The following CPNE8 variants were observed in gnomAD, a reference collection of about 807,000 sequenced individuals.
The protein encoded by CPNE8 is copine 8, also known as copine-8.
CPNE8 carries 45 observed loss-of-function variants against 81.5 expected under a neutral mutation model. The observed-to-expected ratio is 0.55, with a 90% CI of 0.44 to 0.71. The LOEUF (loss-of-function observed/expected upper bound fraction) is 0.71. CPNE8 is among the 30% of genes least tolerant of loss of function. The pLI is 0.00. For missense variants in CPNE8, 594 were observed against 672.1 expected (o/e 0.88, Z 1.28); for synonymous variants, 252 against 226.3 (o/e 1.11, Z -1.02).
chr12:38,750,987 G>A (rs1941343536), intron 10 of CPNE8, among the ~76,000 whole-genome samples: 2 of 152,174 alleles, frequency 1.3e-5, no homozygotes, highest in Admixed American at 1.3e-4. Flanking sequence ...CTGGGGACAG[G>A]TCTTTCCCAT....
intron 15 of CPNE8, among the ~76,000 whole-genome samples, chr12:38,688,598 GGT>G (rs56769844): frequency 9.2e-4 from 136 of 148,536 alleles, no homozygotes; most frequent in South Asian, 3.4e-3. Flanking sequence ...AAGAAAATGT[GGT>G]GTGTGTGTGT....
chr12:38,749,735 C>T, intron 10 of CPNE8, among the ~76,000 whole-genome samples: 1 of 152,088 alleles, frequency 6.6e-6, no homozygotes, highest in Non-Finnish European at 1.5e-5. Context: ...TTCTAAGCAG[C>T]AAAGCATTCA....
At chr12:38,888,480 A>G (rs527657179) in intron 1 of CPNE8, among the ~76,000 whole-genome samples, 6 of 152,354 alleles carry the variant, frequency 3.9e-5, no homozygotes, top group African/African-American at 1.2e-4. Flanking sequence ...CCATTGGACA[A>G]TTCAGAAGTA....
intron 1 of CPNE8, among the ~76,000 whole-genome samples, chr12:38,891,189 G>T (rs755043555): frequency 1.3e-5 from 2 of 151,582 alleles, no homozygotes; most frequent in African/African-American, 4.8e-5. Flanking sequence ...CCTCAGCCTC[G>T]CAAAGTGCTG....
intron 7 of CPNE8, among the ~76,000 whole-genome samples, chr12:38,774,582 G>A (rs1173328988): frequency 6.7e-6 from 1 of 148,792 alleles, no homozygotes; most frequent in Non-Finnish European, 1.5e-5. Flanking sequence ...CAAACTTAAT[G>A]TTATGGTAGT....
At chr12:38,812,749 G>A (rs1942959602) in intron 6 of CPNE8, among the ~76,000 whole-genome samples, 1 of 152,168 alleles carries the variant, frequency 6.6e-6, no homozygotes, top group Non-Finnish European at 1.5e-5. Context: ...TATGGAAGTG[G>A]CTTCTCACTC....
chr12:38,727,764 G>A (rs190158995), intron 11 of CPNE8, among the ~76,000 whole-genome samples: 97 of 152,230 alleles, frequency 6.4e-4, no homozygotes, highest in Middle Eastern at 3.4e-3. Context: ...GATGCTTATC[G>A]GGGGCTTTTA....
intron 10 of CPNE8, 132 bp downstream of exon 10, chr12:38,760,715 G>A: frequency 2.8e-6 from 2 of 702,798 alleles, no homozygotes; most frequent in African/African-American, 1.9e-5. Context: ...TCATGTAAAT[G>A]CATCAGTAAC....
chr12:38,679,118 G>A lies in CPNE8; in HGVS notation c.1272-1564C>T, dbSNP rs1292648888. ...GGGTTTTATATTTCATGAGAATAAT[G>A]AAAGACTCTAAATAGTAGTGAAAAC... On this transcript the variant is annotated intron_variant, in intron 16 of 19. Coordinates refer to ENST00000331366, the MANE Select transcript of CPNE8 (RefSeq NM_153634.3). Among the ~76,000 whole-genome samples, 4 of 151,754 alleles carry A rather than the reference G, an allele frequency of 2.6e-5. No homozygotes were observed. In the East Asian group the frequency reaches 7.7e-4, roughly 29 times the overall value.
intron 6 of CPNE8, among the ~76,000 whole-genome samples, chr12:38,787,711 A>T (rs1013135793): frequency 1.3e-5 from 2 of 151,646 alleles, no homozygotes; most frequent in African/African-American, 4.8e-5. Flanking sequence ...GCAGACTAAT[A>T]AATAAAAAGA....
chr12:38,809,540 A>T (rs1942892440), intron 6 of CPNE8, among the ~76,000 whole-genome samples: 1 of 152,160 alleles, frequency 6.6e-6, no homozygotes, highest in Non-Finnish European at 1.5e-5. Flanking sequence ...ACACAACATA[A>T]CATAACTATA....
At chr12:38,898,584 T>A (rs1944418511) in intron 1 of CPNE8, among the ~76,000 whole-genome samples, 1 of 152,132 alleles carries the variant, frequency 6.6e-6, no homozygotes, top group East Asian at 1.9e-4. Context: ...CTAGCTTATA[T>A]AACTTAATTT....
chr12:38,727,433 C>T (rs1015176060), intron 11 of CPNE8, among the ~76,000 whole-genome samples: 1 of 152,068 alleles, frequency 6.6e-6, no homozygotes, highest in Non-Finnish European at 1.5e-5. Context: ...TGTATTGAAA[C>T]ACCACACTGT....
intron 4 of CPNE8, among the ~76,000 whole-genome samples, chr12:38,848,290 T>C (rs1943588747): frequency 6.6e-6 from 1 of 152,118 alleles, no homozygotes; most frequent in African/African-American, 2.4e-5. Flanking sequence ...ATAGAACTTG[T>C]AGGAAATCCA....
At chr12:38,739,952 C>A (rs1941052821) in intron 10 of CPNE8, among the ~76,000 whole-genome samples, 1 of 151,976 alleles carries the variant, frequency 6.6e-6, no homozygotes, top group Non-Finnish European at 1.5e-5. Context: ...TATGTAATAT[C>A]TTATTCTATA....
At chr12:38,751,942 C>A (rs1057289646) in intron 10 of CPNE8, among the ~76,000 whole-genome samples, 5 of 152,158 alleles carry the variant, frequency 3.3e-5, no homozygotes, top group Admixed American at 1.3e-4. Flanking sequence ...ACGCTGCTCT[C>A]TTTACTGTTC....
intron 10 of CPNE8, among the ~76,000 whole-genome samples, chr12:38,731,550 C>G (rs1940831200): frequency 6.6e-6 from 1 of 151,806 alleles, no homozygotes; most frequent in African/African-American, 2.4e-5. Context: ...TTTATTCTCC[C>G]TAAACTATCT....
chr12:38,709,633 T>C (rs534653856), intron 13 of CPNE8, among the ~76,000 whole-genome samples: 1 of 152,292 alleles, frequency 6.6e-6, no homozygotes, highest in Non-Finnish European at 1.5e-5. Context: ...TCATGATTAT[T>C]GATACTAGTT....
intron 10 of CPNE8, among the ~76,000 whole-genome samples, chr12:38,740,910 G>C (rs1941083997): frequency 6.6e-6 from 1 of 152,168 alleles, no homozygotes; most frequent in African/African-American, 2.4e-5. Context: ...CTCATAAAAT[G>C]AGTTAGGGAG....
Sources: gnomAD v4.1 joint callset for allele counts (sites outside exome capture counted in the v4.1 genomes callset) on GRCh38, gnomAD v4.1.1 for gene constraint, MANE v1.5 for transcripts, NCBI Gene and HGNC (gene_info 2026-07-23, HGNC 2026-07-21) for gene names.